The following ABR variants were observed in gnomAD, a reference collection of about 807,000 sequenced individuals.
ABR encodes ABR activator of RhoGEF and GTPase, also known as active breakpoint cluster region-related protein.
In ABR, 35 loss-of-function variants were observed where a neutral mutation model predicts 107.2. The observed-to-expected ratio is 0.33, with a 90% CI of 0.25 to 0.43. The LOEUF (loss-of-function observed/expected upper bound fraction) is 0.43, where lower values mean the gene tolerates loss of function less well. Ranked by LOEUF, ABR falls within the 20% of genes least tolerant of loss-of-function variation. The pLI is 1.00. For missense variants in ABR, 815 were observed against 1,115.2 expected (o/e 0.73, Z 3.83); for synonymous variants, 498 against 462.0 (o/e 1.08, Z -1.00).
chr17:1,011,010 G>A lies in ABR; in HGVS notation c.2102-147C>T. The A allele has an allele frequency of 9.5e-7, 1 of 1,050,286 alleles. No individual in the cohort carries two copies. The highest frequency in any genetic ancestry group is 1.4e-6 in the Non-Finnish European group (1 of 722,728). The allele number at this position is 1,050,286 out of a possible 1,614,324, so 65.1% of individuals were successfully genotyped here. On this transcript the variant is annotated intron_variant, in intron 19 of 22. Transcript: ENST00000302538. The surrounding 1 kb of genome is among the most constrained non-coding windows in gnomAD (Gnocchi z 4.8). Reference sequence around the variant, plus strand: ...CAGGATGTAGAGAGGGCCCACAGGTGTCTGTGACTCGGCTCTGTGGGTCGG... The same window carrying A: ...CAGGATGTAGAGAGGGCCCACAGGTATCTGTGACTCGGCTCTGTGGGTCGG...
At chr17:1,227,425 G>A (rs1033213564) in intron 1 of ABR, among the ~76,000 whole-genome samples, 1 of 152,188 alleles carries the variant, frequency 6.6e-6, no homozygotes, top group South Asian at 2.1e-4. Flanking sequence ...TTAAGTTAAA[G>A]AGACATATAA....
chr17:1,091,690 G>A lies in ABR; in HGVS notation c.506C>T (p.Thr169Ile). ...CAGCTTCTGGAAGAGGTGGCCCATGGTGACCTGGCTGTCCCACTGTTGCAC... is the reference window on the plus strand; with the variant it reads ...CAGCTTCTGGAAGAGGTGGCCCATGATGACCTGGCTGTCCCACTGTTGCAC... ...PKVQQWDSQV[T>I]MGHLFQKLAS... is the part of the protein sequence containing the mutation. The change falls in exon 4 of 23, where the codon ACC becomes ATC. Residue 169 changes from threonine to isoleucine, a missense_variant. Thr to Ile is a moderately conservative substitution (Grantham distance 89). This residue lies in a region of ABR where 385 missense variants were observed against 596.9 expected (regional missense o/e 0.64). Transcript: ENST00000302538. 6.2e-7 allele frequency: 1 copy of A among 1,614,006 alleles called. No individual in the cohort carries two copies. Among genetic ancestry groups the A allele is most frequent in the Non-Finnish European group, 8.5e-7 (1 of 1,179,904 alleles).
At chr17:1,017,453 G>A (rs181584633) in intron 16 of ABR, among the ~76,000 whole-genome samples, 5 of 148,132 alleles carry the variant, frequency 3.4e-5, no homozygotes, top group East Asian at 4.0e-4. Flanking sequence ...ATTCTGGAGC[G>A]GCCATGCCCT....
chr17:1,159,119 A>G (rs987602183), intron 1 of ABR, among the ~76,000 whole-genome samples: 3 of 152,228 alleles, frequency 2.0e-5, no homozygotes, highest in Non-Finnish European at 4.4e-5. Flanking sequence ...AAAGGAAACC[A>G]ACTATATTAA....
At chr17:1,190,956 G>A (rs1341458473), upstream of ABR, among the ~76,000 whole-genome samples, 1 of 152,220 alleles carries the variant, frequency 6.6e-6, no homozygotes, top group Non-Finnish European at 1.5e-5. Context: ...ACGCTCCCAA[G>A]GGGCTGGCCT....
At chr17:1,189,652 C>T (rs1488910655), upstream of ABR, among the ~76,000 whole-genome samples, 1 of 151,052 alleles carries the variant, frequency 6.6e-6, no homozygotes, top group African/African-American at 2.4e-5. Flanking sequence ...CGCTCTACCC[C>T]CACTCTGCCT....
At chr17:1,141,078 G>T (rs2040265946) in intron 1 of ABR, among the ~76,000 whole-genome samples, 1 of 152,188 alleles carries the variant, frequency 6.6e-6, no homozygotes, top group Non-Finnish European at 1.5e-5. Context: ...CAGGGCAGAA[G>T]GGTCCTTGGG....
intron 1 of ABR, among the ~76,000 whole-genome samples, chr17:1,195,215 G>C (rs1487702227): frequency 7.0e-6 from 1 of 143,288 alleles, no homozygotes; most frequent in Non-Finnish European, 1.5e-5. Context: ...GCTGAGGCAG[G>C]AGAATGGCGT....
chr17:1,169,250 G>A (rs1243434120), intron 1 of ABR, among the ~76,000 whole-genome samples: 3 of 152,206 alleles, frequency 2.0e-5, no homozygotes, highest in African/African-American at 7.2e-5. Flanking sequence ...TGCCCCCCAT[G>A]GCAGAAGTCA....
In ABR at chr17:1,073,692, A is replaced by G; in HGVS notation, c.701-15T>C. ...GTAGAGCAGAGCTGTCGGGGGAGAC[A>G]GGGAGAAGGAGGAAGAGGATGATGG... On this transcript the variant is annotated splice_polypyrimidine_tract_variant and intron_variant, in intron 6 of 22. Transcript: ENST00000302538. 6.3e-7 allele frequency: 1 copy of G among 1,597,644 alleles called. No homozygotes were observed. Among genetic ancestry groups the G allele is most frequent in the Non-Finnish European group, 8.5e-7 (1 of 1,170,322 alleles).
At chr17:1,196,945 C>T (rs1235372634) in intron 1 of ABR, among the ~76,000 whole-genome samples, 3 of 151,758 alleles carry the variant, frequency 2.0e-5, no homozygotes, top group Admixed American at 6.6e-5. Context: ...CCATCCGCCT[C>T]GGCCTCCCAA....
chr17:1,085,110 CTTT>C (rs1230702293), intron 4 of ABR, among the ~76,000 whole-genome samples: 4 of 126,122 alleles, frequency 3.2e-5, no homozygotes, highest in African/African-American at 6.4e-5. Context: ...CCAATTAAAA[CTTT>C]TTTTTTTTTT....
At chr17:1,170,688 G>A (rs1317494672) in intron 1 of ABR, among the ~76,000 whole-genome samples, 4 of 152,020 alleles carry the variant, frequency 2.6e-5, no homozygotes, top group East Asian at 1.9e-4. Flanking sequence ...CACCCACCTC[G>A]GCCTCCCAAA....
chr17:1,227,069 G>A (rs1299458221), intron 1 of ABR, among the ~76,000 whole-genome samples: 1 of 152,180 alleles, frequency 6.6e-6, no homozygotes, highest in Admixed American at 6.5e-5. Context: ...TGCCAGACAC[G>A]TGCCCCAGCT....
chr17:1,141,753 C>T (rs2040294748), intron 1 of ABR, among the ~76,000 whole-genome samples: 1 of 150,044 alleles, frequency 6.7e-6, no homozygotes. Context: ...GGACTAGTTA[C>T]GACTTAAATT....
At chr17:1,031,660 G>T in intron 16 of ABR, 1 of 1,257,102 alleles carries the variant, frequency 8.0e-7, no homozygotes, top group Non-Finnish European at 1.0e-6. Context: ...TTGGGGGGGC[G>T]CTTGCTCCCC....
chr17:1,192,202 C>T (rs931939573), upstream of ABR, among the ~76,000 whole-genome samples: 13 of 152,044 alleles, frequency 8.6e-5, no homozygotes, highest in Admixed American at 7.2e-4. Flanking sequence ...GTCTCGAACT[C>T]GTAGGCTCAA....
chr17:1,129,546 A>C (rs1158935482), intron 1 of ABR, among the ~76,000 whole-genome samples: 1 of 152,164 alleles, frequency 6.6e-6, no homozygotes, highest in African/African-American at 2.4e-5. Flanking sequence ...AAACAAAAAC[A>C]AAAACAAGAA....
intron 16 of ABR, among the ~76,000 whole-genome samples, chr17:1,045,511 T>C (rs1474365045): frequency 1.3e-5 from 2 of 152,258 alleles, no homozygotes; most frequent in African/African-American, 4.8e-5. Flanking sequence ...CAGCAGGACA[T>C]CTAGAAATGG....
Sources: allele counts gnomAD v4.1 joint callset (sites outside exome capture counted in the v4.1 genomes callset), GRCh38; gene constraint gnomAD v4.1.1; regional missense constraint gnomAD v4.1.1; non-coding constraint Gnocchi (gnomAD v3.1); transcripts MANE v1.5; gene names NCBI Gene and HGNC (gene_info 2026-07-23, HGNC 2026-07-21).